Variants in SHROOM3 observed in about 807,000 individuals in gnomAD.
SHROOM3 encodes the protein protein Shroom3.
A neutral mutation model predicts 138.6 loss-of-function variants in SHROOM3; 47 were observed. The ratio of observed to expected loss-of-function variants is 0.34; its 90% CI spans 0.27 to 0.43. The LOEUF is 0.43. Among genes scored for constraint, SHROOM3 ranks in the 20% least tolerant of loss-of-function variants. The probability of loss-of-function intolerance (pLI) is 1.00; values close to 1 mark genes in which losing one functional copy is unlikely to be tolerated. For synonymous variants in SHROOM3, 1,062 were observed against 1,063.3 expected, an observed-to-expected ratio of 1.00 and a Z score of 0.02; for missense variants, 2,491 against 2,596.5, an observed-to-expected ratio of 0.96 and a Z score of 0.88.
chr4:76,608,703 C>T (rs62300925), intron 2 of SHROOM3, among the ~76,000 whole-genome samples: 8,580 of 96,086 alleles, frequency 0.089, 1,185 homozygotes, highest in East Asian at 0.17. Flanking sequence ...CAGCACAGCA[C>T]AGCACAGCAC....
chr4:76,484,640 G>A lies in SHROOM3; in HGVS notation c.168+48420G>A, dbSNP rs118050344. ...TCTTAGGAGAGCTGATTACAGTTTA[G>A]CGGAAGCAGCCTTTTGACTTTCCCT... is the stretch of plus-strand genomic sequence containing the variant. On this transcript the variant is annotated intron_variant, in intron 1 of 10. Coordinates refer to ENST00000296043, the MANE Select transcript of SHROOM3 (RefSeq NM_020859.4). 1.7e-3 allele frequency among the ~76,000 whole-genome samples: 257 copies of A among 152,282 alleles called. 4 individuals carry two copies. In the East Asian group the frequency reaches 0.042, roughly 25 times the overall value.
intron 2 of SHROOM3, among the ~76,000 whole-genome samples, chr4:76,583,651 C>T (rs1734093541): frequency 6.6e-6 from 1 of 152,174 alleles, no homozygotes; most frequent in African/African-American, 2.4e-5. Flanking sequence ...TCCAGATCTG[C>T]TGCTTGCTGG....
chr4:76,452,854 A>AT (rs1730952528), intron 1 of SHROOM3, among the ~76,000 whole-genome samples: 1 of 152,110 alleles, frequency 6.6e-6, no homozygotes, highest in Non-Finnish European at 1.5e-5. Flanking sequence ...AGTAACTGGG[A>AT]TTACAGGTGC....
At chr4:76,579,946 AC>A (rs1488709059) in intron 2 of SHROOM3, among the ~76,000 whole-genome samples, 1 of 150,968 alleles carries the variant, frequency 6.6e-6, no homozygotes, top group Non-Finnish European at 1.5e-5. Flanking sequence ...TGAATGAAAA[AC>A]CCCGCATCAT....
intron 2 of SHROOM3, among the ~76,000 whole-genome samples, chr4:76,584,238 T>A (rs1210283715): frequency 1.3e-5 from 2 of 151,788 alleles, no homozygotes; most frequent in African/African-American, 4.8e-5. Context: ...GAATCTCTTG[T>A]ATCCGGGAGG....
intron 2 of SHROOM3, among the ~76,000 whole-genome samples, chr4:76,700,686 G>T (rs1719877113): frequency 6.6e-6 from 1 of 152,180 alleles, no homozygotes; most frequent in Non-Finnish European, 1.5e-5. Flanking sequence ...AGCAATAGTT[G>T]ATTGAATGAA....
chr4:76,529,026 T>C (rs563958913), intron 1 of SHROOM3, among the ~76,000 whole-genome samples: 1 of 152,350 alleles, frequency 6.6e-6, no homozygotes, highest in African/African-American at 2.4e-5. Context: ...CTGCCGCTGA[T>C]GTTCACAGTC....
At chr4:76,634,368 TTTG>T (rs892076306) in intron 2 of SHROOM3, among the ~76,000 whole-genome samples, 45 of 152,286 alleles carry the variant, frequency 3.0e-4, no homozygotes, top group African/African-American at 1.0e-3. Flanking sequence ...TGGAATTATT[TTTG>T]TTGTTCTAAT....
chr4:76,460,827 C>CAAAAAAAAAAAAAAAAAAAAAAA (rs58793404), intron 1 of SHROOM3, among the ~76,000 whole-genome samples: 11 of 78,752 alleles, frequency 1.4e-4, no homozygotes, highest in Admixed American at 1.9e-4. Context: ...CCCGTATCTA[C>CAAAAAAAAAAAAAAAAAAAAAAA]AAAAAAAAAA....
intron 2 of SHROOM3, among the ~76,000 whole-genome samples, chr4:76,682,293 C>T (rs1486956832): frequency 1.3e-5 from 2 of 152,202 alleles, no homozygotes; most frequent in Non-Finnish European, 2.9e-5. Flanking sequence ...CAAACACACA[C>T]ACTCAATGAT....
intron 2 of SHROOM3, among the ~76,000 whole-genome samples, chr4:76,679,373 C>G (rs1023624882): frequency 5.3e-5 from 8 of 152,100 alleles, no homozygotes; most frequent in Admixed American, 2.0e-4. Context: ...TTCCCTGGCT[C>G]TTTTTCCCCA....
chr4:76,492,634 G>A (rs192319646), intron 1 of SHROOM3, among the ~76,000 whole-genome samples: 15 of 152,166 alleles, frequency 9.9e-5, no homozygotes, highest in East Asian at 5.8e-4. Context: ...TCCTGACTCC[G>A]CATTAATAAC....
At chr4:76,438,694 AT>A (rs1349225047) in intron 1 of SHROOM3, among the ~76,000 whole-genome samples, 1 of 150,944 alleles carries the variant, frequency 6.6e-6, no homozygotes, top group Non-Finnish European at 1.5e-5. Context: ...ATAAAATTTT[AT>A]TTCGTTGATT....
At chr4:76,673,228 T>G (rs2110099052) in intron 2 of SHROOM3, among the ~76,000 whole-genome samples, 1 of 152,362 alleles carries the variant, frequency 6.6e-6, no homozygotes, top group African/African-American at 2.4e-5. Flanking sequence ...TCGCCATGAC[T>G]GTCTTCAACG....
intron 2 of SHROOM3, among the ~76,000 whole-genome samples, chr4:76,576,261 C>T (rs1733938994): frequency 2.0e-5 from 3 of 152,150 alleles, no homozygotes; most frequent in Admixed American, 1.3e-4. Flanking sequence ...TGTCCATCAA[C>T]AGATGAATGG....
chr4:76,568,520 A>G (rs760664243), intron 2 of SHROOM3, among the ~76,000 whole-genome samples: 6 of 152,172 alleles, frequency 3.9e-5, no homozygotes, highest in Admixed American at 3.9e-4. Context: ...CCACCAAAGA[A>G]GGATCATATT....
chr4:76,484,059 G>A (rs1731676490), intron 1 of SHROOM3, among the ~76,000 whole-genome samples: 2 of 152,028 alleles, frequency 1.3e-5, no homozygotes, highest in Non-Finnish European at 2.9e-5. Context: ...GGGTTGATGG[G>A]TGCAGCAAAC....
chr4:76,621,006 C>T (rs1734993514), intron 2 of SHROOM3, among the ~76,000 whole-genome samples: 1 of 152,060 alleles, frequency 6.6e-6, no homozygotes, highest in African/African-American at 2.4e-5. Flanking sequence ...AGCATCCTGC[C>T]CTCCAGGGAA....
intron 1 of SHROOM3, among the ~76,000 whole-genome samples, chr4:76,522,916 G>A (rs1196202718): frequency 3.3e-5 from 5 of 151,972 alleles, no homozygotes; most frequent in Non-Finnish European, 7.4e-5. Context: ...GTCTATATGA[G>A]CATCTATATT....
Sources: gnomAD v4.1 joint callset for allele counts (sites outside exome capture counted in the v4.1 genomes callset) on GRCh38, gnomAD v4.1.1 for gene constraint, MANE v1.5 for transcripts, NCBI Gene and HGNC (gene_info 2026-07-23, HGNC 2026-07-21) for gene names.